UNC5C: variants seen among roughly 807,000 people sequenced by gnomAD.
The protein encoded by UNC5C is netrin receptor UNC5C.
In UNC5C, 47 loss-of-function variants were observed where a neutral mutation model predicts 99.8. The observed-to-expected ratio is 0.47, with a 90% CI of 0.37 to 0.60. The LOEUF is 0.60. UNC5C is among the 20% of genes least tolerant of loss of function. UNC5C has a pLI of 0.00. For missense variants in UNC5C, 1,062 were observed against 1,165.9 expected (o/e 0.91, Z 1.30); for synonymous variants, 487 against 452.2 (o/e 1.08, Z -0.98).
intron 7 of UNC5C, among the ~76,000 whole-genome samples, chr4:95,224,607 C>T (rs1738605321): frequency 6.7e-6 from 1 of 150,058 alleles, no homozygotes; most frequent in Non-Finnish European, 1.5e-5. Context: ...AATTGGAATT[C>T]ATTCATTCAT....
rs1222846222 is a variant in UNC5C at position 95,545,770 on chromosome 4, G to GCACACACA, written c.124+2963_124+2964insTGTGTGTG. ...ACTGATCTCACACACACGCGCGCGCGCGCACACACACACACACACACACAC... is the reference window on the plus strand; with the variant it reads ...ACTGATCTCACACACACGCGCGCGCGCACACACACGCACACACACACACACACACACAC... On this transcript the variant is annotated intron_variant, in intron 1 of 15. Transcript: ENST00000453304. Among the ~76,000 whole-genome samples the GCACACACA allele has an allele frequency of 9.4e-3, 1,223 of 130,522 alleles. 15 individuals are homozygous for GCACACACA. Among genetic ancestry groups the GCACACACA allele is most frequent in the African/African-American group, 0.037 (1,131 of 30,352 alleles). 85.6% of individuals were successfully genotyped at this position (130,522 alleles called of 152,430 possible).
At chr4:95,404,780 T>C (rs1387686889) in intron 1 of UNC5C, among the ~76,000 whole-genome samples, 2 of 152,174 alleles carry the variant, frequency 1.3e-5, no homozygotes, top group African/African-American at 2.4e-5. Context: ...CCCTCTATCC[T>C]GCACCCATAT....
At chr4:95,396,940 G>C (rs534415213) in intron 1 of UNC5C, among the ~76,000 whole-genome samples, 118 of 150,560 alleles carry the variant, frequency 7.8e-4, no homozygotes, top group African/African-American at 2.9e-3. Flanking sequence ...AGCCCAAAAA[G>C]CTTAAGCATA....
Position 95,185,652 on chromosome 4 carries a change from A to C in UNC5C, c.2137-456T>G, listed in dbSNP as rs972833778. ...AAGAGATACTCATTCCTTGGACTTG[A>C]TAAAACCAAACAACAAATAAAAAAT... is the stretch of plus-strand genomic sequence containing the variant. On this transcript the variant is annotated intron_variant, in intron 12 of 15. Coordinates refer to ENST00000453304, the MANE Select transcript of UNC5C (RefSeq NM_003728.4). Among the ~76,000 whole-genome samples, 7 of 152,358 alleles carry C rather than the reference A, an allele frequency of 4.6e-5. No homozygotes were observed. In the South Asian group the frequency reaches 8.3e-4, roughly 18 times the overall value.
rs563276040 is a variant in UNC5C at position 95,172,749 on chromosome 4, G to T, written c.2452-2417C>A. ...CTCTTTTTTGGTTCCATATGAACTT[G>T]AAAGTAGTTTTTTCCAATTCTGTGA... On this transcript the variant is annotated intron_variant, in intron 14 of 15. Coordinates refer to ENST00000453304, the MANE Select transcript of UNC5C (RefSeq NM_003728.4). 9.5e-3 allele frequency among the ~76,000 whole-genome samples: 1,418 copies of T among 149,512 alleles called. 24 individuals are homozygous for T. The highest frequency in any genetic ancestry group is 0.034 in the African/African-American group (1,330 of 38,984).
At chr4:95,333,923 T>A (rs1384768982) in intron 2 of UNC5C, among the ~76,000 whole-genome samples, 1 of 152,074 alleles carries the variant, frequency 6.6e-6, no homozygotes, top group Non-Finnish European at 1.5e-5. Flanking sequence ...CTTGAGATTT[T>A]GAAGACATCT....
chr4:95,304,751 A>G (rs921661857), intron 2 of UNC5C, among the ~76,000 whole-genome samples: 1 of 152,226 alleles, frequency 6.6e-6, no homozygotes, highest in Admixed American at 6.5e-5. Context: ...CCTTAGAACT[A>G]TAATGGTTCT....
chr4:95,316,467 C>G (rs868575138), intron 2 of UNC5C, among the ~76,000 whole-genome samples: 1 of 152,058 alleles, frequency 6.6e-6, no homozygotes, highest in African/African-American at 2.4e-5. Context: ...CGGAGCTGAC[C>G]GCAGGCACAC....
At chr4:95,498,569 A>AT (rs1032330025) in intron 1 of UNC5C, among the ~76,000 whole-genome samples, 3 of 151,970 alleles carry the variant, frequency 2.0e-5, no homozygotes, top group Admixed American at 6.6e-5. Context: ...TAATGGTACG[A>AT]TTTTTTCTTC....
At chr4:95,498,751 T>C (rs993948576) in intron 1 of UNC5C, among the ~76,000 whole-genome samples, 1 of 151,940 alleles carries the variant, frequency 6.6e-6, no homozygotes, top group African/African-American at 2.4e-5. Flanking sequence ...TATAACTGAA[T>C]TCAAATTTTG....
rs531387756 is a variant in UNC5C, at chr4:95,166,065, T to C, written c.*3169A>G. 2 of 152,354 alleles carry C rather than the reference T, an allele frequency of 1.3e-5. No homozygotes were observed. The highest frequency in any genetic ancestry group is 6.5e-5 in the Admixed American group (1 of 15,306). The allele number at this position is 152,354 out of a possible 1,614,324, so 9.4% of individuals were successfully genotyped here. A position where few individuals can be genotyped will look rare whatever the true frequency, so the allele number is the denominator to read the frequency against. ...ACTCTACAGGTTTTCATTCCCTTCG[T>C]CAAACACATTCTAGTGAATATTAAA... is the stretch of plus-strand genomic sequence containing the variant. On this transcript the variant is annotated 3_prime_UTR_variant, in exon 16 of 16. Coordinates refer to ENST00000453304, the MANE Select transcript of UNC5C (RefSeq NM_003728.4).
At chr4:95,261,962 C>T (rs1361983490) in intron 4 of UNC5C, among the ~76,000 whole-genome samples, 2 of 152,158 alleles carry the variant, frequency 1.3e-5, no homozygotes, top group East Asian at 1.9e-4. Context: ...CTCAGCCTCC[C>T]AAAGTGCTGG....
intron 1 of UNC5C, among the ~76,000 whole-genome samples, chr4:95,414,539 C>T (rs553918776): frequency 1.9e-4 from 29 of 152,354 alleles, no homozygotes; most frequent in Non-Finnish European, 3.1e-4. Flanking sequence ...TACCTAGCAA[C>T]GAAGGTCCTT....
At chr4:95,534,826 G>C (rs1047326523) in intron 1 of UNC5C, among the ~76,000 whole-genome samples, 1 of 151,950 alleles carries the variant, frequency 6.6e-6, no homozygotes. Context: ...CGCAAATGTA[G>C]AACTTTGACC....
chr4:95,480,052 T>C (rs1721088039), intron 1 of UNC5C, among the ~76,000 whole-genome samples: 1 of 151,538 alleles, frequency 6.6e-6, no homozygotes, highest in African/African-American at 2.4e-5. Context: ...CTCGGGCCTG[T>C]GTCTTGGAAC....
At chr4:95,190,432 A>T (rs1737031676) in intron 12 of UNC5C, among the ~76,000 whole-genome samples, 1 of 152,206 alleles carries the variant, frequency 6.6e-6, no homozygotes. Context: ...TGGCACATGT[A>T]TACATATGTA....
chr4:95,402,020 T>C (rs777652083), intron 1 of UNC5C, among the ~76,000 whole-genome samples: 14 of 152,254 alleles, frequency 9.2e-5, no homozygotes, highest in Non-Finnish European at 1.9e-4. Flanking sequence ...CTGCTTCTCC[T>C]GTCTTCATGC....
intron 1 of UNC5C, among the ~76,000 whole-genome samples, chr4:95,493,595 G>GT (rs1560483759): frequency 6.6e-6 from 1 of 151,058 alleles, no homozygotes. Context: ...CACACACTAA[G>GT]TTTTAAAAAA....
intron 1 of UNC5C, among the ~76,000 whole-genome samples, chr4:95,537,049 G>C (rs534346545): frequency 2.0e-5 from 3 of 152,124 alleles, no homozygotes; most frequent in African/African-American, 7.2e-5. Flanking sequence ...ACCCCACTAC[G>C]GTTAAGAGTA....
Sources: gnomAD v4.1 joint callset for allele counts (sites outside exome capture counted in the v4.1 genomes callset) on GRCh38, gnomAD v4.1.1 for gene constraint, MANE v1.5 for transcripts, NCBI Gene and HGNC (gene_info 2026-07-23, HGNC 2026-07-21) for gene names.